The following STARD13 variants were observed in gnomAD, a reference collection of about 807,000 sequenced individuals.
The protein encoded by STARD13 is StAR related lipid transfer domain containing 13.
STARD13 carries 62 observed loss-of-function variants against 106.4 expected under a neutral mutation model. That is an observed-to-expected ratio of 0.58 (90% CI 0.48 to 0.72). STARD13 has a LOEUF of 0.72. Ranked by LOEUF, STARD13 falls within the 30% of genes least tolerant of loss-of-function variation. The pLI, the probability that STARD13 is intolerant of heterozygous loss-of-function variation, is 0.00. For synonymous variants in STARD13, 565 were observed against 553.0 expected (o/e 1.02, Z -0.31); for missense variants, 1,387 against 1,424.0 (o/e 0.97, Z 0.42).
At chr13:33,665,577 A>T in the STARD13 span, among the ~76,000 whole-genome samples, 2 of 152,194 alleles carry the variant, frequency 1.3e-5, no homozygotes, top group South Asian at 4.1e-4. Flanking sequence ...GTTAATTTTG[A>T]TGGAAAGACA....
chr13:33,142,471 A>G (rs1254841294), intron 3 of STARD13, 98 bp from the exon 4 acceptor site: 1 of 1,052,964 alleles, frequency 9.5e-7, no homozygotes, highest in Non-Finnish European at 1.5e-6. Flanking sequence ...TTGAAACTGC[A>G]GGAACAACCA....
chr13:33,270,398 G>A (rs147598480), intron 1 of STARD13, among the ~76,000 whole-genome samples: 38 of 152,290 alleles, frequency 2.5e-4, no homozygotes, highest in Non-Finnish European at 5.3e-4. Context: ...TATGGCACCT[G>A]TATGCAGGCA....
Position 33,165,430 on chromosome 13 carries a change from A to C in STARD13, c.242-12T>G. 1 of 1,604,018 alleles carries C rather than the reference A, an allele frequency of 6.2e-7. No homozygotes were observed. Among genetic ancestry groups the C allele is most frequent in the East Asian group, 2.2e-5 (1 of 44,826 alleles). ...GGGAAATTGTGAATCTGAGAGAGAA[A>C]GACAAAGAAGTTGATGTACTTTGTT... On this transcript the variant is annotated splice_polypyrimidine_tract_variant and intron_variant, in intron 2 of 13. Coordinates refer to ENST00000336934, the MANE Select transcript of STARD13 (RefSeq NM_178006.4).
At chr13:33,453,783 G>A in the STARD13 span, among the ~76,000 whole-genome samples, 1 of 152,320 alleles carries the variant, frequency 6.6e-6, no homozygotes, top group African/African-American at 2.4e-5. Flanking sequence ...AAAAAAGAGT[G>A]TGTAACAGGG....
the STARD13 span, among the ~76,000 whole-genome samples, chr13:33,649,477 C>T: frequency 6.6e-6 from 1 of 152,060 alleles, no homozygotes; most frequent in East Asian, 1.9e-4. Flanking sequence ...TATAATATGC[C>T]TTTTTAGTGT....
intron 8 of STARD13, among the ~76,000 whole-genome samples, chr13:33,115,600 G>T (rs1875248664): frequency 6.6e-6 from 1 of 152,166 alleles, no homozygotes; most frequent in Non-Finnish European, 1.5e-5. Flanking sequence ...TCAGGGAAAT[G>T]GGTGTCTCCC....
At chr13:33,667,905 C>T in the STARD13 span, among the ~76,000 whole-genome samples, 16 of 152,266 alleles carry the variant, frequency 1.1e-4, no homozygotes, top group South Asian at 8.3e-4. Context: ...TAAACAGACA[C>T]GGGCCATAGC....
chr13:33,673,070 T>A, the STARD13 span, among the ~76,000 whole-genome samples: 2 of 152,206 alleles, frequency 1.3e-5, no homozygotes, highest in Non-Finnish European at 2.9e-5. Context: ...AGCTAAGCAC[T>A]GACAAATGAA....
chr13:33,463,466 T>C, the STARD13 span, among the ~76,000 whole-genome samples: 1 of 152,196 alleles, frequency 6.6e-6, no homozygotes, highest in African/African-American at 2.4e-5. Flanking sequence ...CATTGCGCAC[T>C]GGTGGATGTA....
At chr13:33,479,716 G>A in the STARD13 span, among the ~76,000 whole-genome samples, 1 of 152,130 alleles carries the variant, frequency 6.6e-6, no homozygotes, top group East Asian at 1.9e-4. Context: ...CTGGATCTTG[G>A]GGGTGGATTT....
rs144957807 is a variant in STARD13, at chr13:33,135,816, C to A, written c.388-5527G>T. ...CTTAACTTAGATAACAAAGAAGAAA[C>A]TTGTTGTCACATTAAAAATCTTATG... On this transcript the variant is annotated intron_variant, in intron 4 of 13. Coordinates refer to ENST00000336934, the MANE Select transcript of STARD13 (RefSeq NM_178006.4). 2.1e-3 allele frequency among the ~76,000 whole-genome samples: 324 copies of A among 152,274 alleles called. 4 individuals carry two copies. Among genetic ancestry groups the A allele is most frequent in the African/African-American group, 7.4e-3 (309 of 41,566 alleles).
the STARD13 span, among the ~76,000 whole-genome samples, chr13:33,586,942 G>C: frequency 2.0e-5 from 3 of 152,136 alleles, no homozygotes; most frequent in Admixed American, 2.0e-4. Context: ...GGCCGAGCAC[G>C]GTGGCTCACG....
the STARD13 span, among the ~76,000 whole-genome samples, chr13:33,585,417 G>A: frequency 6.6e-6 from 1 of 152,182 alleles, no homozygotes; most frequent in Non-Finnish European, 1.5e-5. Context: ...TTATAGGCCA[G>A]GTATTGTGGC....
At chr13:33,564,118 G>C in the STARD13 span, among the ~76,000 whole-genome samples, 1 of 141,928 alleles carries the variant, frequency 7.0e-6, no homozygotes, top group Admixed American at 7.4e-5. Flanking sequence ...TTGAACCCGG[G>C]AATTGCTTGA....
chr13:33,329,805 G>A (rs2138555661), intron 1 of STARD13, among the ~76,000 whole-genome samples: 1 of 151,442 alleles, frequency 6.6e-6, no homozygotes, highest in East Asian at 1.9e-4. Flanking sequence ...CCGGGTCCCA[G>A]TGATTCTCCT....
At chr13:33,611,425 C>T in the STARD13 span, 1 of 152,208 alleles carries the variant, frequency 6.6e-6, no homozygotes, top group African/African-American at 2.4e-5. Context: ...ATTTTTAGGG[C>T]CCTAGATTTA....
At chr13:33,508,977 T>C in the STARD13 span, among the ~76,000 whole-genome samples, 1 of 152,230 alleles carries the variant, frequency 6.6e-6, no homozygotes, top group Non-Finnish European at 1.5e-5. Flanking sequence ...TATTTGTGTA[T>C]GTAAACATAT....
At chr13:33,164,727 A>C (rs537733736) in intron 3 of STARD13, among the ~76,000 whole-genome samples, 3 of 152,332 alleles carry the variant, frequency 2.0e-5, no homozygotes, top group Non-Finnish European at 2.9e-5. Context: ...TCAACAAGAT[A>C]ATACGTTGTT....
chr13:33,324,808 A>G (rs1384520759), intron 1 of STARD13, among the ~76,000 whole-genome samples: 2 of 152,236 alleles, frequency 1.3e-5, no homozygotes, highest in African/African-American at 4.8e-5. Context: ...TTTTCTGAGT[A>G]CATGGAAGGC....
Sources: gnomAD v4.1 joint callset for allele counts (sites outside exome capture counted in the v4.1 genomes callset) on GRCh38, gnomAD v4.1.1 for gene constraint, MANE v1.5 for transcripts, NCBI Gene and HGNC (gene_info 2026-07-23, HGNC 2026-07-21) for gene names.